The following ZMYM6 variants were observed in gnomAD, a reference collection of about 807,000 sequenced individuals.
ZMYM6 encodes zinc finger MYM-type containing 6.
A neutral mutation model predicts 134.0 loss-of-function variants in ZMYM6; 90 were observed. The ratio of observed to expected loss-of-function variants is 0.67; its 90% CI spans 0.57 to 0.80. ZMYM6 has a LOEUF of 0.80. ZMYM6 is among the 30% of genes least tolerant of loss of function. The pLI is 0.00. For missense variants in ZMYM6, 1,362 were observed against 1,533.9 expected (o/e 0.89, Z 1.87); for synonymous variants, 481 against 524.1 (o/e 0.92, Z 1.12).
intron 14 of ZMYM6, among the ~76,000 whole-genome samples, chr1:34,997,006 T>C (rs1313500949): frequency 6.6e-6 from 1 of 152,218 alleles, no homozygotes; most frequent in East Asian, 1.9e-4. Context: ...ATTTCATAAA[T>C]GTACAAAATG....
At chr1:35,021,285 C>A (rs934108873) in intron 2 of ZMYM6, among the ~76,000 whole-genome samples, 1 of 151,638 alleles carries the variant, frequency 6.6e-6, no homozygotes, top group Admixed American at 6.6e-5. Context: ...GGAATACAGG[C>A]TTGCGCTACC....
In ZMYM6 at chr1:34,987,907, A is replaced by C. The variant is rs1218002626; in HGVS notation, c.3175T>G (p.Ser1059Ala). 2 of 1,551,574 alleles carry C rather than the reference A, an allele frequency of 1.3e-6. No individual in the cohort carries two copies. The highest frequency in any genetic ancestry group is 2.7e-5 in the African/African-American group (2 of 73,054). Reference sequence around the variant, plus strand: ...TGAAGCGGTAAACTCACATGCTCAGATCCCATCTCTTCACACAAAATTGTT... The same window carrying C: ...TGAAGCGGTAAACTCACATGCTCAGCTCCCATCTCTTCACACAAAATTGTT... ...MLTILCEEMG[S>A]EHVSLPLHAE... Residue 1059 changes from serine (S) to alanine (A), a missense_variant, in exon 16 of 16, where the codon TCT becomes GCT. Coordinates refer to ENST00000357182, the MANE Select transcript of ZMYM6 (RefSeq NM_007167.4).
chr1:35,005,378 A>G (rs1374682129), intron 12 of ZMYM6, 106 bp from the exon 13 acceptor site: 11 of 1,195,772 alleles, frequency 9.2e-6, no homozygotes, highest in Middle Eastern at 2.8e-4. Flanking sequence ...GTTTTCAAGA[A>G]GCAATATAAA....
intron 14 of ZMYM6, among the ~76,000 whole-genome samples, chr1:34,994,081 T>A (rs1388324038): frequency 6.6e-6 from 1 of 152,086 alleles, no homozygotes; most frequent in Non-Finnish European, 1.5e-5. Flanking sequence ...AGTGGAGGAA[T>A]GTACTTAAAA....
intron 4 of ZMYM6, among the ~76,000 whole-genome samples, chr1:35,016,162 G>A (rs141605225): frequency 5.5e-4 from 83 of 152,014 alleles, no homozygotes; most frequent in Admixed American, 6.6e-4. Context: ...TATTGGCCAC[G>A]CTGGTCTCAA....
chr1:34,989,291 G>A (rs1394397515), intron 15 of ZMYM6: 2 of 994,384 alleles, frequency 2.0e-6, no homozygotes, highest in Non-Finnish European at 2.4e-6. Context: ...TAATCCCAGT[G>A]CTTTGGGACA....
chr1:35,012,509 T>G lies in ZMYM6; in HGVS notation c.868A>C (p.Asn290His), dbSNP rs1347206017. 6.2e-7 allele frequency: 1 copy of G among 1,613,364 alleles called. No homozygotes were observed. Among genetic ancestry groups the G allele is most frequent in the African/African-American group, 1.3e-5 (1 of 74,916 alleles). ...AAAAGCTCTGTTTTTCCTGAATCAT[T>G]TGTAGTCTCAATCATTTCAGCTGAG... ...RPSAEMIETTNDSGKTELFCS... is the reference protein window; with the variant it reads ...RPSAEMIETTHDSGKTELFCS... Residue 290 changes from asparagine to histidine, a missense_variant, in exon 7 of 16, where the codon AAT becomes CAT. This residue lies in a region of ZMYM6 where 503 missense variants were observed against 520.8 expected (regional missense o/e 0.97). Coordinates refer to ENST00000357182, the MANE Select transcript of ZMYM6 (RefSeq NM_007167.4).
intron 15 of ZMYM6, among the ~76,000 whole-genome samples, chr1:34,990,884 G>C (rs1287875846): frequency 6.6e-6 from 1 of 152,100 alleles, no homozygotes; most frequent in Non-Finnish European, 1.5e-5. Context: ...TTTTAAAAGA[G>C]ACGGAGTTTC....
intron 4 of ZMYM6, among the ~76,000 whole-genome samples, chr1:35,015,760 A>ATATATATG (rs1238961071): frequency 9.3e-5 from 13 of 139,386 alleles, no homozygotes; most frequent in African/African-American, 3.9e-4. Context: ...ATATATATAT[A>ATATATATG]TGTGGCCAGC....
At chr1:35,023,722 C>T (rs1641353818) in intron 2 of ZMYM6, among the ~76,000 whole-genome samples, 2 of 151,220 alleles carry the variant, frequency 1.3e-5, no homozygotes, top group Middle Eastern at 3.2e-3. Context: ...CCCAGGTTCA[C>T]GACATTCTCC....
chr1:34,991,121 G>A (rs116541834), intron 15 of ZMYM6, among the ~76,000 whole-genome samples: 7,401 of 152,140 alleles, frequency 0.049, 341 homozygotes, highest in East Asian at 0.13. Context: ...ATGTTGGCTT[G>A]CCAAAGTGCT....
At position 35,010,903 on chromosome 1, in the gene ZMYM6, C is replaced by G. The variant is rs1464567285; in HGVS notation, c.1196G>C (p.Ser399Thr). 4 of 1,613,538 alleles carry G rather than the reference C, an allele frequency of 2.5e-6. No homozygotes were observed. The highest frequency in any genetic ancestry group is 3.4e-6 in the Non-Finnish European group (4 of 1,179,872). ...GGGNTSAVSPSSIRGSAAASL... is the reference protein window; with the variant it reads ...GGGNTSAVSPTSIRGSAAASL... Reference sequence around the variant, plus strand: ...GGCTGCAGCAGAGCCACGGATGGAGCTGGGGGAAACGGCAGAGGTGTTACC... The same window carrying G: ...GGCTGCAGCAGAGCCACGGATGGAGGTGGGGGAAACGGCAGAGGTGTTACC... Residue 399 changes from serine (S) to threonine (T), a missense_variant, in exon 9 of 16, where the codon AGC becomes ACC. By Grantham distance (58) the Ser-to-Thr change is moderately conservative (BLOSUM62 1). This residue lies in a region of ZMYM6 where 503 missense variants were observed against 520.8 expected (regional missense o/e 0.97). Transcript: ENST00000357182.
chr1:35,009,177 C>A (rs796093099), intron 10 of ZMYM6, among the ~76,000 whole-genome samples: 15 of 152,316 alleles, frequency 9.8e-5, no homozygotes, highest in African/African-American at 3.6e-4. Context: ...CAGCTCACTG[C>A]AACCTCTGCC....
intron 4 of ZMYM6, 68 bp from the exon 5 acceptor site, chr1:35,015,230 A>G (rs907495620): frequency 4.2e-6 from 6 of 1,412,790 alleles, no homozygotes; most frequent in Non-Finnish European, 4.7e-6. Flanking sequence ...CCTCTTTGTG[A>G]GGTGAAATAA....
rs531962787 is a variant in ZMYM6, at chr1:34,999,544, G to T, written c.1992+4424C>A. Among the ~76,000 whole-genome samples the T allele has an allele frequency of 2.0e-5, 3 of 152,220 alleles. No homozygotes were observed. In the East Asian group the frequency reaches 5.8e-4, roughly 29 times the overall value. On this transcript the variant is annotated intron_variant, in intron 14 of 15. Transcript: ENST00000357182. ...ATGAGTTGAAAAGGGGGAAAATCCA[G>T]ATTACAGAGAGACCACCTAAAAATC...
chr1:35,020,514 T>A (rs777522594), intron 2 of ZMYM6, 47 bp from the exon 3 acceptor site: 32 of 1,421,526 alleles, frequency 2.3e-5, no homozygotes, highest in Non-Finnish European at 2.9e-5. Flanking sequence ...ATACAATGTA[T>A]GTAAGTAAAC....
Position 35,007,007 on chromosome 1 carries a change from CA to C in ZMYM6, c.1756del (p.Cys586ValfsTer11), listed in dbSNP as rs779199565. On this transcript the variant is annotated frameshift_variant, in exon 12 of 16. Coordinates refer to ENST00000357182, the MANE Select transcript of ZMYM6 (RefSeq NM_007167.4). LOFTEE classifies it high-confidence loss of function. Reference sequence around the variant, plus strand: ...TTGCTGATGACAAAACTCCAAGACACAAAATAGGTTACAGAAATGTTTAATG... The same window carrying C: ...TTGCTGATGACAAAACTCCAAGACACAAATAGGTTACAGAAATGTTTAATG... ...GNIKHFCNLF[C>X]VLEFCHQQIM... 4 of 1,613,226 alleles carry C rather than the reference CA, an allele frequency of 2.5e-6. No homozygotes were observed. The highest frequency in any genetic ancestry group is 2.5e-6 in the Non-Finnish European group (3 of 1,179,722).
At chr1:35,023,201 G>A (rs1306334742) in intron 2 of ZMYM6, among the ~76,000 whole-genome samples, 1 of 152,020 alleles carries the variant, frequency 6.6e-6, no homozygotes, top group Non-Finnish European at 1.5e-5. Flanking sequence ...TCCACCTCCA[G>A]GGTTCAATCG....
intron 14 of ZMYM6, 148 bp downstream of exon 14, chr1:35,003,820 T>C: frequency 1.5e-6 from 1 of 661,418 alleles, no homozygotes; most frequent in Non-Finnish European, 2.7e-6. Flanking sequence ...CCAGTCACTT[T>C]ACTGTTAGTT....
Sources: allele counts gnomAD v4.1 joint callset (sites outside exome capture counted in the v4.1 genomes callset), GRCh38; gene constraint gnomAD v4.1.1; regional missense constraint gnomAD v4.1.1; transcripts MANE v1.5; gene names NCBI Gene and HGNC (gene_info 2026-07-23, HGNC 2026-07-21).